The following DOCK1 variants were observed in gnomAD, a reference collection of about 807,000 sequenced individuals.
The protein encoded by DOCK1 is dedicator of cytokinesis protein 1.
Under a neutral mutation model 262.7 loss-of-function variants are expected in DOCK1, and 138 were observed. That is an observed-to-expected ratio of 0.53 (90% CI 0.46 to 0.61). The LOEUF (loss-of-function observed/expected upper bound fraction) is 0.61, where lower values mean the gene tolerates loss of function less well. DOCK1 is among the 20% of genes least tolerant of loss of function. DOCK1 has a pLI of 0.00. For synonymous variants in DOCK1, 866 were observed against 867.4 expected (o/e 1.00, Z 0.03); for missense variants, 1,908 against 2,370.7 (o/e 0.80, Z 4.05).
intron 28 of DOCK1, 45 bp from the exon 29 acceptor site, chr10:127,257,290 C>T (rs1284158876): frequency 1.3e-5 from 19 of 1,481,406 alleles, no homozygotes; most frequent in Non-Finnish European, 1.7e-5. Context: ...TCATGTTTAC[C>T]TTTTTCTTTG....
At chr10:127,218,061 T>A (rs1278732441) in intron 27 of DOCK1, among the ~76,000 whole-genome samples, 1 of 152,194 alleles carries the variant, frequency 6.6e-6, no homozygotes, top group Non-Finnish European at 1.5e-5. Context: ...TCTAAATATC[T>A]GATAAAATAA....
chr10:127,253,421 A>G (rs996380276), intron 28 of DOCK1, among the ~76,000 whole-genome samples: 2 of 152,162 alleles, frequency 1.3e-5, no homozygotes, highest in African/African-American at 2.4e-5. Context: ...TGGATGTCCT[A>G]CAATTCAATT....
intron 29 of DOCK1, among the ~76,000 whole-genome samples, chr10:127,278,083 C>G (rs2060810835): frequency 6.6e-6 from 1 of 152,184 alleles, no homozygotes. Context: ...ACCACATGAT[C>G]ACATCACTAG....
intron 25 of DOCK1, 46 bp downstream of exon 25, chr10:127,110,400 T>C (rs1444302982): frequency 1.3e-6 from 2 of 1,533,204 alleles, no homozygotes; most frequent in East Asian, 4.6e-5. Context: ...TTATTTATTT[T>C]CTGAAGACAT....
At chr10:127,362,877 A>ACACATCCCCACACACACATACACATG (rs2064596128) in intron 33 of DOCK1, among the ~76,000 whole-genome samples, 5 of 54,696 alleles carry the variant, frequency 9.1e-5, no homozygotes, top group African/African-American at 4.4e-4. Flanking sequence ...ACACACACAT[A>ACACATCCCCACACACACATACACATG]CACATCCCCA....
intron 27 of DOCK1, among the ~76,000 whole-genome samples, chr10:127,154,349 A>C (rs1282307749): frequency 5.3e-5 from 8 of 152,260 alleles, no homozygotes; most frequent in Non-Finnish European, 1.2e-4. Flanking sequence ...CTGCAGGCCA[A>C]ATCCCGCCGG....
chr10:127,188,315 G>A (rs532472779), intron 27 of DOCK1, among the ~76,000 whole-genome samples: 1 of 152,298 alleles, frequency 6.6e-6, no homozygotes, highest in East Asian at 1.9e-4. Context: ...ATTAATTATG[G>A]GATGGCAAAT....
chr10:126,919,023 C>A (rs1179902032), intron 1 of DOCK1, among the ~76,000 whole-genome samples: 2 of 114,816 alleles, frequency 1.7e-5, no homozygotes, highest in Non-Finnish European at 3.9e-5. Context: ...TCTTGGCTGT[C>A]TAAAGATCAT....
chr10:127,423,723 G>T (rs969114654), intron 46 of DOCK1, among the ~76,000 whole-genome samples: 1 of 152,160 alleles, frequency 6.6e-6, no homozygotes. Context: ...TGTGTCCAGG[G>T]GTGGTGCTCC....
chr10:127,118,758 T>A (rs2132984023), intron 25 of DOCK1, among the ~76,000 whole-genome samples: 1 of 152,320 alleles, frequency 6.6e-6, no homozygotes, highest in South Asian at 2.1e-4. Flanking sequence ...TCAGAACACG[T>A]AAAAGGTACT....
intron 27 of DOCK1, among the ~76,000 whole-genome samples, chr10:127,174,314 G>A (rs1441183571): frequency 6.6e-6 from 1 of 152,168 alleles, no homozygotes; most frequent in African/African-American, 2.4e-5. Flanking sequence ...ATGGGCAAGA[G>A]AGGTCTCGGC....
chr10:127,279,659 A>G (rs144573815), intron 29 of DOCK1, among the ~76,000 whole-genome samples: 3 of 152,270 alleles, frequency 2.0e-5, no homozygotes, highest in African/African-American at 7.2e-5. Context: ...CCTTTTCACA[A>G]CGCACTTTGG....
chr10:127,106,598 G>A (rs2048543655), intron 24 of DOCK1, among the ~76,000 whole-genome samples: 1 of 152,128 alleles, frequency 6.6e-6, no homozygotes, highest in Non-Finnish European at 1.5e-5. Flanking sequence ...ATTTCAGTAT[G>A]TGGTTGTTGG....
intron 23 of DOCK1, among the ~76,000 whole-genome samples, chr10:127,097,002 G>A (rs2047946575): frequency 6.6e-6 from 1 of 152,130 alleles, no homozygotes; most frequent in Non-Finnish European, 1.5e-5. Flanking sequence ...CTACTCAGGA[G>A]GCTGAGACAG....
At position 127,369,070 on chromosome 10, in the gene DOCK1, C is replaced by T. The variant is rs115589772; in HGVS notation, c.3433-4711C>T. ...GTAACAGTATTAGAACATGAATAAT[C>T]TTTGTGTCATCAGTGTTGCCGAGCT... On this transcript the variant is annotated intron_variant, in intron 33 of 51. Transcript: ENST00000623213. 1.2e-3 allele frequency among the ~76,000 whole-genome samples: 179 copies of T among 152,260 alleles called. 1 individual carries two copies. Among genetic ancestry groups the T allele is most frequent in the African/African-American group, 4.2e-3 (176 of 41,558 alleles).
intron 10 of DOCK1, chr10:127,000,560 G>T (rs1188988252): frequency 4.5e-6 from 2 of 447,076 alleles, no homozygotes; most frequent in Non-Finnish European, 7.8e-6. Context: ...CTTTCCCTGG[G>T]AGTGATCCTG....
chr10:126,927,637 TTGTTGGTCG>T (rs1340904598), intron 1 of DOCK1, among the ~76,000 whole-genome samples: 3 of 152,102 alleles, frequency 2.0e-5, no homozygotes, highest in Non-Finnish European at 4.4e-5. Context: ...GGGTTTCATC[TTGTTGGTCG>T]TGCTGGCCTC....
intron 9 of DOCK1, among the ~76,000 whole-genome samples, chr10:126,999,678 T>G (rs1233028196): frequency 6.6e-6 from 1 of 151,988 alleles, no homozygotes; most frequent in Non-Finnish European, 1.5e-5. Flanking sequence ...ATGTGTATCG[T>G]TTTTATTTTT....
At chr10:127,091,370 T>C (rs758650338) in intron 23 of DOCK1, among the ~76,000 whole-genome samples, 1 of 152,184 alleles carries the variant, frequency 6.6e-6, no homozygotes, top group Non-Finnish European at 1.5e-5. Context: ...AGAAAGGATA[T>C]TCGTTTTATT....
Sources: allele counts gnomAD v4.1 joint callset (sites outside exome capture counted in the v4.1 genomes callset), GRCh38; gene constraint gnomAD v4.1.1; transcripts MANE v1.5; gene names NCBI Gene and HGNC (gene_info 2026-07-23, HGNC 2026-07-21).